The following DEAF1 variants were observed in gnomAD, a reference collection of about 807,000 sequenced individuals.
The protein encoded by DEAF1 is deformed epidermal autoregulatory factor 1 homolog.
Under a neutral mutation model 58.9 loss-of-function variants are expected in DEAF1, and 53 were observed. That is an observed-to-expected ratio of 0.90 (90% CI 0.72 to 1.13). The LOEUF (loss-of-function observed/expected upper bound fraction) is 1.13. Among genes scored for constraint, DEAF1 ranks in the 50% most tolerant of loss-of-function variants. The probability of loss-of-function intolerance (pLI) is 0.00; values close to 1 mark genes in which losing one functional copy is unlikely to be tolerated. For missense variants in DEAF1, 685 were observed against 791.4 expected (o/e 0.87, Z 1.61); for synonymous variants, 385 against 340.4 (o/e 1.13, Z -1.44).
intron 1 of DEAF1, among the ~76,000 whole-genome samples, chr11:692,920 T>C (rs1860896229): frequency 6.6e-6 from 1 of 150,490 alleles, no homozygotes. Context: ...CACGGTTCCC[T>C]CATCCTCGCC....
intron 10 of DEAF1, among the ~76,000 whole-genome samples, chr11:656,372 T>C (rs1054694830): frequency 6.6e-6 from 1 of 151,622 alleles, no homozygotes; most frequent in African/African-American, 2.4e-5. Flanking sequence ...GCCAGGCTGG[T>C]CTCGGAAACT....
At chr11:681,177 G>A in intron 6 of DEAF1, 88 bp from the exon 7 acceptor site, 2 of 1,573,284 alleles carry the variant, frequency 1.3e-6, no homozygotes, top group Admixed American at 1.7e-5. Flanking sequence ...GGGCACCGCG[G>A]GGTGTGTGAG....
At chr11:682,606 C>A (rs1590010946) in intron 6 of DEAF1, among the ~76,000 whole-genome samples, 1 of 152,180 alleles carries the variant, frequency 6.6e-6, no homozygotes, top group South Asian at 2.1e-4. Context: ...CTACTATAGA[C>A]CTAGAGGCAG....
upstream of DEAF1, chr11:699,922 T>C: frequency 1.8e-6 from 1 of 546,404 alleles, no homozygotes; most frequent in South Asian, 2.1e-5. Flanking sequence ...TGTTGTGGCA[T>C]GGAGGGGGGT....
intron 10 of DEAF1, among the ~76,000 whole-genome samples, chr11:667,848 A>G (rs913112138): frequency 2.6e-5 from 4 of 151,948 alleles, no homozygotes; most frequent in Non-Finnish European, 5.9e-5. Flanking sequence ...GTGTTAGCTC[A>G]TGCCTGTAAT....
chr11:652,471 C>G (rs1281837641), intron 11 of DEAF1, among the ~76,000 whole-genome samples: 1 of 152,138 alleles, frequency 6.6e-6, no homozygotes, highest in Non-Finnish European at 1.5e-5. Context: ...AACCCTGTCT[C>G]TACTAAAAAC....
At chr11:675,261 G>A (rs1860002867) in intron 9 of DEAF1, among the ~76,000 whole-genome samples, 1 of 152,200 alleles carries the variant, frequency 6.6e-6, no homozygotes, top group Non-Finnish European at 1.5e-5. Flanking sequence ...GCTCATGCCT[G>A]TAATCCCTGC....
chr11:662,726 G>C (rs545487518), intron 10 of DEAF1, among the ~76,000 whole-genome samples: 1 of 152,216 alleles, frequency 6.6e-6, no homozygotes, highest in Non-Finnish European at 1.5e-5. Context: ...AGAACACAAC[G>C]GCCTTGCTCC....
At chr11:671,609 C>T (rs372226183) in intron 10 of DEAF1, among the ~76,000 whole-genome samples, 1 of 151,462 alleles carries the variant, frequency 6.6e-6, no homozygotes, top group Non-Finnish European at 1.5e-5. Flanking sequence ...CAGTGGCTCA[C>T]GCCTGTAATC....
At chr11:700,296 G>C in intron 1 of DEAF1, 1 of 1,460,450 alleles carries the variant, frequency 6.8e-7, no homozygotes, top group Non-Finnish European at 9.5e-7. Context: ...GGAGGCTGAG[G>C]TGGGCGGATC....
At chr11:648,634 T>C (rs920948227) in intron 11 of DEAF1, among the ~76,000 whole-genome samples, 2 of 152,176 alleles carry the variant, frequency 1.3e-5, no homozygotes, top group Non-Finnish European at 2.9e-5. Flanking sequence ...TAAGTGCTTA[T>C]ATTGGGGCCC....
chr11:702,918 T>C (rs1023756563), intron 1 of DEAF1: 3 of 1,554,026 alleles, frequency 1.9e-6, no homozygotes, highest in Non-Finnish European at 2.6e-6. Context: ...TCGCACCACC[T>C]TCCCTCCCCT....
rs1859971837 is a variant in DEAF1, at chr11:674,584, T to A, written c.1455A>T (p.Glu485Asp). Reference sequence around the variant, plus strand: ...GGATCTTGGCCTGGTTTGTGGCAGCTTCTCGGTAGGTGCTGGCATGCTTGG... The same window carrying A: ...GGATCTTGGCCTGGTTTGTGGCAGCATCTCGGTAGGTGCTGGCATGCTTGG... ...EQAKHASTYR[E>D]AATNQAKIHA... is the part of the protein sequence containing the mutation. Residue 485 changes from glutamate (E) to aspartate (D), a missense_variant, in exon 10 of 12, where the codon GAA becomes GAT. Physicochemically the swap from Glu to Asp is conservative, Grantham distance 45. Transcript: ENST00000382409. 2.5e-6 allele frequency: 4 copies of A among 1,614,030 alleles called. No homozygotes were observed. Among genetic ancestry groups the A allele is most frequent in the Non-Finnish European group, 3.4e-6 (4 of 1,180,032 alleles).
upstream of DEAF1, chr11:695,715 C>A (rs539485113): frequency 1.0e-3 from 1,285 of 1,241,072 alleles, 16 homozygotes; most frequent in African/African-American, 0.019. Flanking sequence ...GCTCCCGAAA[C>A]GCGGCGCGGT....
At chr11:661,871 C>A (rs956101185) in intron 10 of DEAF1, among the ~76,000 whole-genome samples, 2 of 152,226 alleles carry the variant, frequency 1.3e-5, no homozygotes, top group African/African-American at 4.8e-5. Context: ...CCTCTCAAAC[C>A]CTGACTTTCC....
At chr11:682,708 C>T (rs1003293380) in intron 6 of DEAF1, among the ~76,000 whole-genome samples, 1 of 152,108 alleles carries the variant, frequency 6.6e-6, no homozygotes, top group Non-Finnish European at 1.5e-5. Context: ...GACACCCCAC[C>T]CTATGGGCAA....
intron 10 of DEAF1, among the ~76,000 whole-genome samples, chr11:661,320 T>C (rs942168622): frequency 6.6e-6 from 1 of 152,100 alleles, no homozygotes; most frequent in South Asian, 2.1e-4. Context: ...CAGAGCTCAT[T>C]ACATACACAC....
At chr11:675,492 G>A (rs1348149047) in intron 9 of DEAF1, among the ~76,000 whole-genome samples, 6 of 152,206 alleles carry the variant, frequency 3.9e-5, no homozygotes, top group Middle Eastern at 3.4e-3. Flanking sequence ...CTGCGCCACC[G>A]TCCTTCGGCC....
chr11:657,032 G>A (rs146077365), intron 10 of DEAF1, among the ~76,000 whole-genome samples: 14 of 150,376 alleles, frequency 9.3e-5, no homozygotes, highest in African/African-American at 3.4e-4. Context: ...TCCCTGCTCT[G>A]CAGCTGAACA....
Sources: gnomAD v4.1 joint callset for allele counts (sites outside exome capture counted in the v4.1 genomes callset) on GRCh38, gnomAD v4.1.1 for gene constraint, MANE v1.5 for transcripts, NCBI Gene and HGNC (gene_info 2026-07-23, HGNC 2026-07-21) for gene names.